TCFL5: variants seen among roughly 807,000 people sequenced by gnomAD.
TCFL5 encodes transcription factor like 5.
TCFL5 carries 9 observed loss-of-function variants against 44.3 expected under a neutral mutation model. That is an observed-to-expected ratio of 0.20 (90% CI 0.12 to 0.35). TCFL5 has a LOEUF of 0.35. Ranked by LOEUF, TCFL5 falls within the 10% of genes least tolerant of loss-of-function variation. TCFL5 has a pLI of 1.00. For missense variants in TCFL5, 603 were observed against 613.4 expected, an observed-to-expected ratio of 0.98 and a Z score of 0.18; for synonymous variants, 319 against 271.6, an observed-to-expected ratio of 1.17 and a Z score of -1.72.
intron 3 of TCFL5, among the ~76,000 whole-genome samples, chr20:62,858,322 A>G (rs908208207): frequency 6.6e-6 from 1 of 152,276 alleles, no homozygotes; most frequent in African/African-American, 2.4e-5. Context: ...ATGCCACACA[A>G]AGCACCCATT....
chr20:62,860,853 G>A (rs976180258), intron 1 of TCFL5, among the ~76,000 whole-genome samples, 171 bp downstream of exon 1: 4 of 152,070 alleles, frequency 2.6e-5, no homozygotes, highest in African/African-American at 7.2e-5. Flanking sequence ...CCCGCACAGC[G>A]CACACAGCCT....
intron 5 of TCFL5, among the ~76,000 whole-genome samples, chr20:62,849,419 G>T (rs1398978565): frequency 6.6e-6 from 1 of 152,248 alleles, no homozygotes; most frequent in Admixed American, 6.5e-5. Flanking sequence ...CTAGACAACC[G>T]GCCTGATCTC....
Position 62,857,620 on chromosome 20 carries a change from T to C in TCFL5, c.1013A>G (p.Gln338Arg). The C allele has an allele frequency of 1.9e-6, 3 of 1,614,216 alleles. No individual in the cohort carries two copies. In the South Asian group the frequency reaches 3.3e-5, roughly 18 times the overall value. The change falls in exon 4 of 6, where the codon CAA (glutamine) becomes CGA (arginine). Residue 338 changes from glutamine (Q) to arginine (R), a missense_variant. Gln to Arg is a conservative substitution (Grantham distance 43, BLOSUM62 1). Coordinates refer to ENST00000335351, the MANE Select transcript of TCFL5 (RefSeq NM_006602.4). ...IKVGEAALCK[Q>R]ALKRNRSRMR... is the part of the protein sequence containing the mutation. ...TCTACTCCGATTCCTCTTCAGTGCT[T>C]GTTTGCATAGCGCTGCTTCTTTGCG...
At chr20:62,855,781 T>A (rs1013457191) in intron 4 of TCFL5, among the ~76,000 whole-genome samples, 45 of 151,776 alleles carry the variant, frequency 3.0e-4, no homozygotes, top group Non-Finnish European at 4.1e-4. Flanking sequence ...AATAAAAAAA[T>A]AAATAAATAA....
chr20:62,860,001 G>T (rs1358210116), intron 2 of TCFL5, 124 bp downstream of exon 2: 18 of 985,682 alleles, frequency 1.8e-5, no homozygotes, highest in African/African-American at 9.8e-5. Flanking sequence ...CGGCCTTGGC[G>T]CCCGGCTTAA....
rs929745821 is a variant in TCFL5 at position 62,852,222 on chromosome 20, G to C, written c.1380+1794C>G. 4.1e-6 allele frequency: 4 copies of C among 985,358 alleles called. No homozygotes were observed. In the African/African-American group the frequency reaches 7.0e-5, roughly 17 times the overall value. 61.0% of individuals were successfully genotyped at this position (985,358 alleles called of 1,614,324 possible). A position where few individuals can be genotyped will look rare whatever the true frequency, so the allele number is the denominator to read the frequency against. On this transcript the variant is annotated intron_variant, in intron 5 of 5. Transcript: ENST00000335351. Reference sequence around the variant, plus strand: ...CCCAACAGCTTGGACCAGGTACAAAGTCAGGACCCTGTGGATCTATTTCAC... The same window carrying C: ...CCCAACAGCTTGGACCAGGTACAAACTCAGGACCCTGTGGATCTATTTCAC...
rs556507260 is a variant in TCFL5, at chr20:62,843,990, G to A, written c.1381-1893C>T. On this transcript the variant is annotated intron_variant, in intron 5 of 5. Coordinates refer to ENST00000335351, the MANE Select transcript of TCFL5 (RefSeq NM_006602.4). ...AACACATTTGTTTACTCATTCCTCT[G>A]CTGGAGCACACTTGAGTCATTTCCA... 2.9e-3 allele frequency among the ~76,000 whole-genome samples: 443 copies of A among 152,280 alleles called. 4 individuals carry two copies. The highest frequency in any genetic ancestry group is 9.9e-3 in the African/African-American group (410 of 41,542).
At chr20:62,847,966 C>T (rs1251609345) in intron 5 of TCFL5, among the ~76,000 whole-genome samples, 4 of 152,156 alleles carry the variant, frequency 2.6e-5, no homozygotes, top group East Asian at 3.8e-4. Flanking sequence ...TACAGACAAG[C>T]GCCGGGCAGC....
At chr20:62,848,079 C>A (rs907078177) in intron 5 of TCFL5, among the ~76,000 whole-genome samples, 5 of 152,176 alleles carry the variant, frequency 3.3e-5, no homozygotes, top group African/African-American at 1.2e-4. Context: ...AGCGTGTCCG[C>A]AGGAAAGGAG....
intron 4 of TCFL5, among the ~76,000 whole-genome samples, chr20:62,855,336 G>A (rs952830233): frequency 6.6e-6 from 1 of 152,172 alleles, no homozygotes; most frequent in African/African-American, 2.4e-5. Flanking sequence ...AGTATTGTTG[G>A]TTTTTCTTTA....
In TCFL5 at chr20:62,841,898, G is replaced by A. The variant is rs2063683750; in HGVS notation, c.*77C>T. On this transcript the variant is annotated 3_prime_UTR_variant, in exon 6 of 6. Coordinates refer to ENST00000335351, the MANE Select transcript of TCFL5 (RefSeq NM_006602.4). ...TTTCGAGTCAGACTAGCCGAGCAGA[G>A]CTCCAGGGTTGCAGAAGGCGTGCAC... 3 of 1,576,990 alleles carry A rather than the reference G, an allele frequency of 1.9e-6. No homozygotes were observed. The highest frequency in any genetic ancestry group is 2.8e-5 in the African/African-American group (2 of 71,704).
Position 62,841,954 on chromosome 20 carries a change from G to A in TCFL5, c.*21C>T, listed in dbSNP as rs371032484. The A allele has an allele frequency of 1.5e-4, 235 of 1,613,020 alleles. No individual in the cohort carries two copies. Among genetic ancestry groups the A allele is most frequent in the Non-Finnish European group, 1.9e-4 (219 of 1,179,818 alleles). On this transcript the variant is annotated 3_prime_UTR_variant, in exon 6 of 6. Transcript: ENST00000335351. The stretch of plus-strand genomic sequence containing the variant: ...ACGAAGGAATGGCTGTTCACCCCCC[G>A]AGGATTCCTGTTCAGTCCGATCACT...
At chr20:62,849,750 G>A (rs1233858862) in intron 5 of TCFL5, among the ~76,000 whole-genome samples, 1 of 152,144 alleles carries the variant, frequency 6.6e-6, no homozygotes, top group Non-Finnish European at 1.5e-5. Flanking sequence ...CTTGAGCCCA[G>A]AAGTATGAGA....
chr20:62,851,238 C>T (rs1215679882), intron 5 of TCFL5, among the ~76,000 whole-genome samples: 1 of 152,078 alleles, frequency 6.6e-6, no homozygotes, highest in Non-Finnish European at 1.5e-5. Flanking sequence ...CTGACTTGAC[C>T]TCAGCCTGTT....
intron 4 of TCFL5, among the ~76,000 whole-genome samples, chr20:62,856,662 C>T (rs2063896359): frequency 6.8e-6 from 1 of 147,046 alleles, no homozygotes; most frequent in East Asian, 2.0e-4. Flanking sequence ...GCAGAGATCG[C>T]GCCACTGCAC....
Position 62,861,286 on chromosome 20 carries a change from G to A in TCFL5, c.385C>T (p.Leu129=). 3 of 1,212,856 alleles carry A rather than the reference G, an allele frequency of 2.5e-6. No individual in the cohort carries two copies. The highest frequency in any genetic ancestry group is 3.1e-6 in the Non-Finnish European group (3 of 956,776). The allele number at this position is 1,212,856 out of a possible 1,614,324, so 75.1% of individuals were successfully genotyped here. The change falls in exon 1 of 6, where the codon CTG becomes TTG. Residue 129 remains leucine (L), a synonymous_variant. Coordinates refer to ENST00000335351, the MANE Select transcript of TCFL5 (RefSeq NM_006602.4). This position sits in a 1 kb window ranked among gnomAD's most constrained non-coding sequence, Gnocchi z 4.0. ...GCCTCGCTTAGCAGCATCATGCGCA[G>A]CTCCTGGAAGTCGATGTGGCCCAGG... The part of the protein sequence containing the change: ...PCLGHIDFQE[L]RMMLLSEAGA...
Position 62,861,020 on chromosome 20 carries a change from G to A in TCFL5, c.647+4C>T, listed in dbSNP as rs2063992894. 8 of 993,562 alleles carry A rather than the reference G, an allele frequency of 8.1e-6. No homozygotes were observed. The South Asian group carries it at 3.2e-4, about 39-fold the overall frequency. 61.5% of individuals were successfully genotyped at this position (993,562 alleles called of 1,614,324 possible). On this transcript the variant is annotated splice_donor_region_variant and intron_variant, in intron 1 of 5. Transcript: ENST00000335351. The surrounding 1 kb of genome is among the most constrained non-coding windows in gnomAD (Gnocchi z 4.0). The stretch of plus-strand genomic sequence containing the variant: ...CCGCCAGCCCCCGGCCGCCGGGCAC[G>A]CACTTGTTGAGCGCCCCGCCCGGCT...
chr20:62,857,338 A>G (rs941725936), intron 4 of TCFL5, 57 bp downstream of exon 4: 1 of 1,594,268 alleles, frequency 6.3e-7, no homozygotes, highest in Non-Finnish European at 8.6e-7. Context: ...TGTGATAACC[A>G]TGTATGACTA....
At chr20:62,846,118 C>T in intron 5 of TCFL5, 1 of 1,294,620 alleles carries the variant, frequency 7.7e-7, no homozygotes, top group Non-Finnish European at 1.0e-6. Context: ...TGCTTAGAAC[C>T]TTAAATTGGA....
Sources: gnomAD v4.1 joint callset for allele counts (sites outside exome capture counted in the v4.1 genomes callset) on GRCh38, gnomAD v4.1.1 for gene constraint, Gnocchi (gnomAD v3.1) non-coding constraint, MANE v1.5 for transcripts, NCBI Gene and HGNC (gene_info 2026-07-23, HGNC 2026-07-21) for gene names.